The following LRP8 variants were observed in gnomAD, a reference collection of about 807,000 sequenced individuals.
The protein encoded by LRP8 is low-density lipoprotein receptor-related protein 8.
Under a neutral mutation model 111.6 loss-of-function variants are expected in LRP8, and 46 were observed. That is an observed-to-expected ratio of 0.41 (90% confidence interval 0.33 to 0.53). The LOEUF is 0.53. Ranked by LOEUF, LRP8 falls within the 20% of genes least tolerant of loss-of-function variation. The probability of loss-of-function intolerance (pLI) is 0.20; values close to 1 mark genes in which losing one functional copy is unlikely to be tolerated. For missense variants in LRP8, 959 were observed against 1,297.4 expected (o/e 0.74, Z 4.01); for synonymous variants, 464 against 511.2 (o/e 0.91, Z 1.24).
chr1:53,259,961 G>A (rs1646268237), intron 13 of LRP8, among the ~76,000 whole-genome samples: 1 of 152,192 alleles, frequency 6.6e-6, no homozygotes, highest in South Asian at 2.1e-4. Flanking sequence ...AGTGATAGAG[G>A]AGGGGACAAC....
intron 2 of LRP8, among the ~76,000 whole-genome samples, chr1:53,311,963 A>G (rs1653082801): frequency 6.6e-6 from 1 of 152,240 alleles, no homozygotes; most frequent in South Asian, 2.1e-4. Context: ...GCAGAGACTC[A>G]TACAAGGCAC....
chr1:53,311,800 G>C (rs561181078), intron 2 of LRP8, among the ~76,000 whole-genome samples: 1 of 152,312 alleles, frequency 6.6e-6, no homozygotes, highest in South Asian at 2.1e-4. Context: ...CACCCATGTG[G>C]CTTCCCTTCT....
At chr1:53,304,994 C>T (rs1255635055) in intron 2 of LRP8, 2 of 152,402 alleles carry the variant, frequency 1.3e-5, no homozygotes, top group East Asian at 3.9e-4. Flanking sequence ...GGTCCCACTA[C>T]AGCTTGAAGA....
chr1:53,307,270 T>C (rs1652154802), intron 2 of LRP8: 1 of 152,290 alleles, frequency 6.6e-6, no homozygotes, highest in African/African-American at 2.4e-5. Context: ...AGGGCAAGGA[T>C]GCCTGCCCTG....
chr1:53,289,852 T>G, intron 2 of LRP8, 163 bp from the exon 3 acceptor site: 1 of 852,408 alleles, frequency 1.2e-6, no homozygotes, highest in African/African-American at 1.7e-5. Context: ...ATCTGAACAC[T>G]GCGTGAAGAC....
In LRP8 at chr1:53,275,856, G is replaced by A; in HGVS notation, c.884-103C>T. ...GCCATAGCCACCCCCAGCAAAAACA[G>A]AACCAGTGGCTGAACTCAGGAGTCC... is the stretch of plus-strand genomic sequence containing the variant. On this transcript the variant is annotated intron_variant, in intron 5 of 18. Coordinates refer to ENST00000306052, the MANE Select transcript of LRP8 (RefSeq NM_004631.5). This position sits in a 1 kb window ranked among gnomAD's most constrained non-coding sequence, Gnocchi z 4.4. 7.0e-7 allele frequency: 1 copy of A among 1,436,776 alleles called. No homozygotes were observed. The highest frequency in any genetic ancestry group is 1.3e-5 in the South Asian group (1 of 74,378). 89.0% of individuals were successfully genotyped at this position (1,436,776 alleles called of 1,614,324 possible).
chr1:53,316,458 G>A (rs1653816227), intron 2 of LRP8, among the ~76,000 whole-genome samples: 3 of 152,336 alleles, frequency 2.0e-5, no homozygotes, highest in South Asian at 2.1e-4. Context: ...AGTAGATGTA[G>A]GCTCTGCTAA....
intron 2 of LRP8, chr1:53,304,543 T>C (rs1651594128): frequency 6.6e-6 from 1 of 152,368 alleles, no homozygotes; most frequent in African/African-American, 2.4e-5. Context: ...CTCAGGTCTC[T>C]GCTGCTGGAA....
At chr1:53,253,382 T>C (rs1332669240) in intron 16 of LRP8, among the ~76,000 whole-genome samples, 1 of 152,158 alleles carries the variant, frequency 6.6e-6, no homozygotes, top group Non-Finnish European at 1.5e-5. Flanking sequence ...TTGTCATGTA[T>C]AAATATTTCT....
chr1:53,253,465 A>G (rs1279685483), intron 16 of LRP8, among the ~76,000 whole-genome samples: 1 of 152,232 alleles, frequency 6.6e-6, no homozygotes, highest in Non-Finnish European at 1.5e-5. Flanking sequence ...CAGATAAAAT[A>G]TAAGTAAAGG....
chr1:53,262,321 C>T lies in LRP8; in HGVS notation c.1775-114G>A. ...GCCTCACACTGAGGCCAGCCTACGG[C>T]AACCATTAGGAAACAAAGTCACTGG... On this transcript the variant is annotated intron_variant, in intron 11 of 18. Coordinates refer to ENST00000306052, the MANE Select transcript of LRP8 (RefSeq NM_004631.5). This position sits in a 1 kb window ranked among gnomAD's most constrained non-coding sequence, Gnocchi z 4.8. 1 of 1,531,262 alleles carries T rather than the reference C, an allele frequency of 6.5e-7. No individual in the cohort carries two copies. The highest frequency in any genetic ancestry group is 9.0e-7 in the Non-Finnish European group (1 of 1,116,526). 94.9% of individuals were successfully genotyped at this position (1,531,262 alleles called of 1,614,324 possible). A position where few individuals can be genotyped will look rare whatever the true frequency, so the allele number is the denominator to read the frequency against.
chr1:53,323,358 G>A (rs967268755), intron 2 of LRP8, among the ~76,000 whole-genome samples: 6 of 152,206 alleles, frequency 3.9e-5, no homozygotes, highest in African/African-American at 9.6e-5. Context: ...CACGATGCCC[G>A]GTCCACAGCA....
intron 2 of LRP8, among the ~76,000 whole-genome samples, chr1:53,301,783 C>A (rs1015945788): frequency 6.6e-6 from 1 of 151,472 alleles, no homozygotes; most frequent in Non-Finnish European, 1.5e-5. Context: ...TGAGGCAGGA[C>A]CAGAACGCAG....
intron 2 of LRP8, among the ~76,000 whole-genome samples, chr1:53,306,947 G>A (rs895233049): frequency 6.6e-6 from 1 of 152,178 alleles, no homozygotes; most frequent in Non-Finnish European, 1.5e-5. Context: ...AGAGGGACAG[G>A]ATGGGCCCAG....
In LRP8 at chr1:53,317,257, T is replaced by A. The variant is rs1653930973; in HGVS notation, c.244+9616A>T. Among the ~76,000 whole-genome samples, 1 of 152,186 alleles carries A rather than the reference T, an allele frequency of 6.6e-6. No individual in the cohort carries two copies. Among genetic ancestry groups the A allele is most frequent in the Non-Finnish European group, 1.5e-5 (1 of 68,028 alleles). The stretch of plus-strand genomic sequence containing the variant: ...GCCTCCAGCTATTCAGTCGGGCAGC[T>A]TAACCTGGGCCTGATGGGACCTTCC... On this transcript the variant is annotated intron_variant, in intron 2 of 18. Transcript: ENST00000306052. This position sits in a 1 kb window ranked among gnomAD's most constrained non-coding sequence, Gnocchi z 4.9.
At chr1:53,283,477 T>TTACTACATACCCGGGCCACTTACA (rs1647186925) in intron 3 of LRP8, among the ~76,000 whole-genome samples, 14 of 103,188 alleles carry the variant, frequency 1.4e-4, no homozygotes, top group Non-Finnish European at 2.4e-4. Context: ...GGCCACTTAC[T>TTACTACATACCCGGGCCACTTACA]TACTACATAC....
rs1290836593 is a variant in LRP8, at chr1:53,271,295, T to G, written c.1058A>C (p.Asp353Ala). ...NNGGCSHICT[D>A]LKIGFECTCP... ...CGTGCATTCAAAGCCAATCTTGAGG[T>G]CAGTGCAGATGTGTGAGCAGCCGCC... Residue 353 changes from aspartate to alanine, a missense_variant, in exon 7 of 19, where the codon GAC (aspartate) becomes GCC (alanine). Asp to Ala is a moderately radical substitution (Grantham distance 126). Around this residue, in one of 3 missense-constraint regions of LRP8, gnomAD observed 819 missense variants for 1,097.6 expected, o/e 0.75. Transcript: ENST00000306052. 2 of 1,613,774 alleles carry G rather than the reference T, an allele frequency of 1.2e-6. No individual in the cohort carries two copies.
At chr1:53,319,701 G>C (rs1377610003) in intron 2 of LRP8, among the ~76,000 whole-genome samples, 1 of 152,212 alleles carries the variant, frequency 6.6e-6, no homozygotes, top group Non-Finnish European at 1.5e-5. Flanking sequence ...GTGATTACTG[G>C]AGTCTATGAC....
At position 53,262,254 on chromosome 1, in the gene LRP8, G is replaced by C. The variant is rs1248306487; in HGVS notation, c.1775-47C>G. The C allele has an allele frequency of 6.2e-7, 1 of 1,609,144 alleles. No homozygotes were observed. Among genetic ancestry groups the C allele is most frequent in the Non-Finnish European group, 8.5e-7 (1 of 1,178,120 alleles). Reference sequence around the variant, plus strand: ...GGTCATGAACCTGGGACCCCAGTCTGGAGCTCTGTTCCTTTGTACCTCTCC... The same window carrying C: ...GGTCATGAACCTGGGACCCCAGTCTCGAGCTCTGTTCCTTTGTACCTCTCC... On this transcript the variant is annotated intron_variant, in intron 11 of 18. Coordinates refer to ENST00000306052, the MANE Select transcript of LRP8 (RefSeq NM_004631.5). The surrounding 1 kb of genome is among the most constrained non-coding windows in gnomAD (Gnocchi z 4.8).
Sources: gnomAD v4.1 joint callset for allele counts (sites outside exome capture counted in the v4.1 genomes callset) on GRCh38, gnomAD v4.1.1 for gene constraint, gnomAD v4.1.1 regional missense constraint, Gnocchi (gnomAD v3.1) non-coding constraint, MANE v1.5 for transcripts, NCBI Gene and HGNC (gene_info 2026-07-23, HGNC 2026-07-21) for gene names.